IQGAP2: variants seen among roughly 807,000 people sequenced by gnomAD.
IQGAP2 encodes the protein IQ motif containing GTPase activating protein 2.
Under a neutral mutation model 201.3 loss-of-function variants are expected in IQGAP2, and 173 were observed. The observed-to-expected ratio is 0.86, with a 90% CI of 0.76 to 0.98. The LOEUF is 0.98. Ranked by LOEUF, IQGAP2 falls within the 50% of genes least tolerant of loss-of-function variation. The pLI is 0.00. For missense variants in IQGAP2, 1,687 were observed against 1,864.8 expected (o/e 0.90, Z 1.76); for synonymous variants, 675 against 673.9 (o/e 1.00, Z -0.03).
intron 2 of IQGAP2, among the ~76,000 whole-genome samples, chr5:76,502,123 A>G (rs1004905878): frequency 6.6e-6 from 1 of 152,230 alleles, no homozygotes; most frequent in African/African-American, 2.4e-5. Flanking sequence ...AAAGCTGACT[A>G]GAAAGTCGCC....
At chr5:76,408,618 G>C (rs1750925515) in intron 1 of IQGAP2, among the ~76,000 whole-genome samples, 1 of 151,934 alleles carries the variant, frequency 6.6e-6, no homozygotes, top group Admixed American at 6.6e-5. Context: ...TATTTATGCT[G>C]GATGTGGTGG....
chr5:76,559,671 A>G (rs1340448877), intron 2 of IQGAP2, among the ~76,000 whole-genome samples: 2 of 152,106 alleles, frequency 1.3e-5, no homozygotes. Flanking sequence ...AGGTCCTCCA[A>G]TAATGTCGTT....
intron 17 of IQGAP2, among the ~76,000 whole-genome samples, chr5:76,651,416 A>G (rs1000280388): frequency 6.6e-6 from 1 of 152,204 alleles, no homozygotes; most frequent in African/African-American, 2.4e-5. Context: ...CAGCCTGGGC[A>G]ACATAGTGAA....
chr5:76,622,964 GA>G (rs1749853047), intron 13 of IQGAP2, among the ~76,000 whole-genome samples: 1 of 152,158 alleles, frequency 6.6e-6, no homozygotes, highest in Non-Finnish European at 1.5e-5. Flanking sequence ...CATCAGGAGG[GA>G]ACACTTAGTC....
intron 15 of IQGAP2, among the ~76,000 whole-genome samples, chr5:76,634,261 CTT>C (rs11356351): frequency 3.4e-5 from 5 of 147,652 alleles, no homozygotes; most frequent in South Asian, 2.2e-4. Flanking sequence ...AAATATTTGC[CTT>C]TTTTTTTTTT....
In IQGAP2 at chr5:76,403,984, G is replaced by T. The variant is rs532866735; in HGVS notation, c.46+393G>T. Among the ~76,000 whole-genome samples the T allele has an allele frequency of 6.6e-6, 1 of 152,196 alleles. No individual in the cohort carries two copies. Among genetic ancestry groups the T allele is most frequent in the Admixed American group, 6.5e-5 (1 of 15,288 alleles). Reference sequence around the variant, plus strand: ...GGCACCGGATTCTTCCAACCCAGAAGGGGAGGAAAGTTTGTTTGCTGTGGC... The same window carrying T: ...GGCACCGGATTCTTCCAACCCAGAATGGGAGGAAAGTTTGTTTGCTGTGGC... On this transcript the variant is annotated intron_variant, in intron 1 of 35. Transcript: ENST00000274364. The surrounding 1 kb of genome is among the most constrained non-coding windows in gnomAD (Gnocchi z 4.8).
intron 2 of IQGAP2, among the ~76,000 whole-genome samples, chr5:76,464,262 A>G (rs1754652297): frequency 6.6e-6 from 1 of 152,234 alleles, no homozygotes. Flanking sequence ...GTGCACAGAA[A>G]ACTCATGGTC....
chr5:76,521,266 G>A (rs897150925), intron 2 of IQGAP2, among the ~76,000 whole-genome samples: 31 of 152,258 alleles, frequency 2.0e-4, no homozygotes, highest in African/African-American at 6.0e-4. Context: ...AATGACAGAA[G>A]GTCCCCTTTA....
chr5:76,437,970 A>G (rs1481413028), intron 1 of IQGAP2, among the ~76,000 whole-genome samples: 1 of 115,998 alleles, frequency 8.6e-6, no homozygotes, highest in South Asian at 2.8e-4. Flanking sequence ...TTTGTTGAAG[A>G]TTTTTGCATC....
intron 4 of IQGAP2, among the ~76,000 whole-genome samples, chr5:76,571,976 T>C (rs1745145060): frequency 6.6e-6 from 1 of 152,166 alleles, no homozygotes; most frequent in South Asian, 2.1e-4. Context: ...ACCACCACAA[T>C]CAAGACACAG....
At position 76,701,195 on chromosome 5, in the gene IQGAP2, A is replaced by G; in HGVS notation, c.4487A>G (p.Asp1496Gly). ...LHEKGVLLDI[D>G]DLQTNQFKNV... ...GAGAAAGGTGTCCTGCTAGATATAG[A>G]TGATCTTCAAACAAACCAGTAAGTG... Residue 1496 changes from aspartate (D) to glycine (G), a missense_variant, in exon 34 of 36, where the codon GAT becomes GGT. Physicochemically the swap from Asp to Gly is moderately conservative, Grantham distance 94. Coordinates refer to ENST00000274364, the MANE Select transcript of IQGAP2 (RefSeq NM_006633.5). The G allele has an allele frequency of 6.2e-7, 1 of 1,614,202 alleles. No individual in the cohort carries two copies. Among genetic ancestry groups the G allele is most frequent in the Non-Finnish European group, 8.5e-7 (1 of 1,179,978 alleles).
At chr5:76,621,190 A>C (rs1749630963) in intron 13 of IQGAP2, among the ~76,000 whole-genome samples, 1 of 152,162 alleles carries the variant, frequency 6.6e-6, no homozygotes, top group South Asian at 2.1e-4. Context: ...TTCCTGCTTT[A>C]ATCTCTAGCA....
intron 2 of IQGAP2, among the ~76,000 whole-genome samples, chr5:76,467,748 C>T (rs1342091757): frequency 6.6e-6 from 1 of 152,162 alleles, no homozygotes; most frequent in Non-Finnish European, 1.5e-5. Flanking sequence ...TGTCTACCCA[C>T]TGATAAACGG....
At chr5:76,604,088 CA>C (rs1412908813) in intron 11 of IQGAP2, among the ~76,000 whole-genome samples, 2 of 152,060 alleles carry the variant, frequency 1.3e-5, no homozygotes, top group African/African-American at 2.4e-5. Flanking sequence ...ATCAACCCAC[CA>C]TCTAGATTAG....
chr5:76,444,442 G>A (rs1753250721), intron 1 of IQGAP2, among the ~76,000 whole-genome samples: 1 of 152,098 alleles, frequency 6.6e-6, no homozygotes, highest in South Asian at 2.1e-4. Context: ...GGGATTACAG[G>A]TGCCCACTAC....
chr5:76,543,987 C>T (rs78351155), intron 2 of IQGAP2, among the ~76,000 whole-genome samples: 2,586 of 152,224 alleles, frequency 0.017, 69 homozygotes, highest in African/African-American at 0.058. Context: ...AACTCCTAAG[C>T]GCCTGCAAGT....
In IQGAP2 at chr5:76,597,622, AGCTGTGGGGACGGTAACCCT is replaced by A; in HGVS notation, c.1071+23_1071+42del. The A allele has an allele frequency of 6.2e-7, 1 of 1,613,340 alleles. No individual in the cohort carries two copies. The highest frequency in any genetic ancestry group is 8.5e-7 in the Non-Finnish European group (1 of 1,179,644). On this transcript the variant is annotated intron_variant, in intron 10 of 35. Coordinates refer to ENST00000274364, the MANE Select transcript of IQGAP2 (RefSeq NM_006633.5). ...ACCATGGTAAGTCAGAGGAGACCCC[AGCTGTGGGGACGGTAACCCT>A]GCGTGCCATGGCGCACTAGGGAAGC...
At chr5:76,611,534 A>G (rs1748414221) in intron 13 of IQGAP2, among the ~76,000 whole-genome samples, 1 of 152,230 alleles carries the variant, frequency 6.6e-6, no homozygotes, top group Non-Finnish European at 1.5e-5. Context: ...ACATAATACC[A>G]TTTGAATGTT....
chr5:76,524,624 TAA>T (rs1195944320), intron 2 of IQGAP2, among the ~76,000 whole-genome samples: 1 of 152,142 alleles, frequency 6.6e-6, no homozygotes, highest in African/African-American at 2.4e-5. Context: ...TCAAAAAACA[TAA>T]GAGTTGAACA....
Sources: allele counts gnomAD v4.1 joint callset (sites outside exome capture counted in the v4.1 genomes callset), GRCh38; gene constraint gnomAD v4.1.1; non-coding constraint Gnocchi (gnomAD v3.1); transcripts MANE v1.5; gene names NCBI Gene and HGNC (gene_info 2026-07-23, HGNC 2026-07-21).